The following SMCO2 variants were observed in gnomAD, a reference collection of about 807,000 sequenced individuals.
The protein encoded by SMCO2 is single-pass membrane and coiled-coil domain-containing protein 2.
Under a neutral mutation model 29.5 loss-of-function variants are expected in SMCO2, and 25 were observed. That is an observed-to-expected ratio of 0.85 (90% CI 0.62 to 1.18). SMCO2 has a LOEUF of 1.18. Ranked by LOEUF, SMCO2 falls within the 50% of genes most tolerant of loss-of-function variation. The pLI is 0.00. For synonymous variants in SMCO2, 117 were observed against 123.3 expected, an observed-to-expected ratio of 0.95 and a Z score of 0.34; for missense variants, 348 against 344.5, an observed-to-expected ratio of 1.01 and a Z score of -0.08.
the SMCO2 span, among the ~76,000 whole-genome samples, chr12:27,461,104 A>C: frequency 1.3e-5 from 2 of 152,208 alleles, no homozygotes; most frequent in African/African-American, 4.8e-5. Flanking sequence ...GTATTTGCAT[A>C]TAACCTATGC....
At chr12:27,427,230 A>T in the SMCO2 span, among the ~76,000 whole-genome samples, 1 of 152,194 alleles carries the variant, frequency 6.6e-6, no homozygotes, top group Non-Finnish European at 1.5e-5. Flanking sequence ...TTTCAAATTT[A>T]TTTGCATCAG....
the SMCO2 span, chr12:27,424,370 G>A: frequency 1.3e-5 from 2 of 152,168 alleles, no homozygotes; most frequent in Non-Finnish European, 1.5e-5. Flanking sequence ...AATATCAGAT[G>A]TGTTATTACA....
At chr12:27,447,337 T>G in the SMCO2 span, among the ~76,000 whole-genome samples, 1 of 152,124 alleles carries the variant, frequency 6.6e-6, no homozygotes, top group Admixed American at 6.5e-5. Flanking sequence ...TTCTGCATCT[T>G]TACTGGGGAA....
chr12:27,470,661 C>A, exon 2 of SMCO2: 1 of 1,551,140 alleles, frequency 6.4e-7, no homozygotes, highest in South Asian at 1.2e-5. Flanking sequence ...ACCTAAATAA[C>A]AAAATGTCTC....
chr12:27,499,629 T>C (rs1034551085), intron 7 of SMCO2, among the ~76,000 whole-genome samples: 2 of 150,666 alleles, frequency 1.3e-5, no homozygotes, highest in African/African-American at 5.0e-5. Context: ...AATAAGTAAA[T>C]AGGTGAATGC....
intron 3 of SMCO2, 151 bp from the exon 4 acceptor site, chr12:27,474,635 C>G (rs1949568928): frequency 1.2e-6 from 1 of 841,150 alleles, no homozygotes; most frequent in Admixed American, 2.8e-5. Flanking sequence ...AAGGGCATGT[C>G]TGCTTAGCTT....
At chr12:27,445,247 G>A in the SMCO2 span, among the ~76,000 whole-genome samples, 1 of 152,126 alleles carries the variant, frequency 6.6e-6, no homozygotes, top group African/African-American at 2.4e-5. Context: ...CTACTGAACT[G>A]CATTTAAAAA....
chr12:27,462,234 C>T (rs1565671284), upstream of SMCO2, among the ~76,000 whole-genome samples: 1 of 152,292 alleles, frequency 6.6e-6, no homozygotes, highest in South Asian at 2.1e-4. Context: ...ATAGTTCCAG[C>T]TCTGACATCA....
intron 5 of SMCO2, 118 bp from the exon 7 acceptor site, chr12:27,494,182 A>G: frequency 8.5e-6 from 5 of 590,752 alleles, no homozygotes; most frequent in Middle Eastern, 4.8e-4. Context: ...AAGTTTACAA[A>G]GTAAAAGTAA....
the SMCO2 span, among the ~76,000 whole-genome samples, chr12:27,455,772 T>A: frequency 1.3e-5 from 2 of 152,228 alleles, no homozygotes; most frequent in East Asian, 3.8e-4. Context: ...TACTTTAGGA[T>A]AATTTATGTT....
chr12:27,428,640 G>C, the SMCO2 span, among the ~76,000 whole-genome samples: 1 of 151,492 alleles, frequency 6.6e-6, no homozygotes, highest in Non-Finnish European at 1.5e-5. Flanking sequence ...TGTTGAGGGA[G>C]TCAGTAAAGA....
At chr12:27,425,579 T>C in the SMCO2 span, among the ~76,000 whole-genome samples, 1 of 152,172 alleles carries the variant, frequency 6.6e-6, no homozygotes, top group African/African-American at 2.4e-5. Flanking sequence ...TGCTTTCCTA[T>C]GAGCTGGTTT....
the SMCO2 span, among the ~76,000 whole-genome samples, chr12:27,457,659 C>A: frequency 4.6e-5 from 7 of 152,352 alleles, no homozygotes; most frequent in South Asian, 1.2e-3. Context: ...CAAGTCTTTG[C>A]AGCCAAAAGC....
chr12:27,424,475 A>G, the SMCO2 span: 2 of 152,272 alleles, frequency 1.3e-5, no homozygotes, highest in Non-Finnish European at 2.9e-5. Context: ...AGTACAGAAT[A>G]GAGACTTTTA....
the SMCO2 span, among the ~76,000 whole-genome samples, chr12:27,431,208 G>A: frequency 1.8e-4 from 27 of 151,944 alleles, no homozygotes; most frequent in Non-Finnish European, 3.2e-4. Flanking sequence ...GTAGAGATGG[G>A]TTTTCGCCAT....
Position 27,498,472 on chromosome 12 carries a change from C to T in SMCO2, c.683+2617C>T, listed in dbSNP as rs878971418. 53 of 218,440 alleles carry T rather than the reference C, an allele frequency of 2.4e-4. 1 individual carries two copies. Among genetic ancestry groups the T allele is most frequent in the Admixed American group, 3.5e-4 (8 of 22,554 alleles). The allele number at this position is 218,440 out of a possible 1,614,324, so 13.5% of individuals were successfully genotyped here. On this transcript the variant is annotated intron_variant, in intron 7 of 7. Coordinates refer to ENST00000298876, the Ensembl canonical transcript of SMCO2. ...TAGCTGCTATTGTGTGGAGAAAGATCGACAAGAGTGGAGAGATATTGAAGG... is the reference window on the plus strand; with the variant it reads ...TAGCTGCTATTGTGTGGAGAAAGATTGACAAGAGTGGAGAGATATTGAAGG...
At chr12:27,501,068 T>C (rs1217226916) in intron 7 of SMCO2, among the ~76,000 whole-genome samples, 1 of 150,432 alleles carries the variant, frequency 6.6e-6, no homozygotes, top group Non-Finnish European at 1.5e-5. Context: ...TAGAATCATA[T>C]CAATAAAATA....
the SMCO2 span, among the ~76,000 whole-genome samples, chr12:27,433,696 T>G: frequency 6.6e-6 from 1 of 152,248 alleles, no homozygotes; most frequent in Non-Finnish European, 1.5e-5. Flanking sequence ...CATTATTAAT[T>G]GGATATCTAG....
chr12:27,461,108 C>T, the SMCO2 span, among the ~76,000 whole-genome samples: 8 of 152,262 alleles, frequency 5.3e-5, no homozygotes, highest in South Asian at 4.2e-4. Context: ...TTGCATATAA[C>T]CTATGCACAT....
Sources: gnomAD v4.1 joint callset for allele counts (sites outside exome capture counted in the v4.1 genomes callset) on GRCh38, gnomAD v4.1.1 for gene constraint, MANE v1.5 for transcripts, NCBI Gene and HGNC (gene_info 2026-07-23, HGNC 2026-07-21) for gene names.